The following FAM193A variants were observed in gnomAD, a reference collection of about 807,000 sequenced individuals.
The protein encoded by FAM193A is protein FAM193A.
A neutral mutation model predicts 126.5 loss-of-function variants in FAM193A; 22 were observed. That is an observed-to-expected ratio of 0.17 (90% CI 0.12 to 0.25). The LOEUF is 0.25. Among genes scored for constraint, FAM193A ranks in the 10% least tolerant of loss-of-function variants. FAM193A has a pLI of 1.00. For missense variants in FAM193A, 1,675 were observed against 1,672.8 expected, an observed-to-expected ratio of 1.00 and a Z score of -0.02; for synonymous variants, 761 against 646.8, an observed-to-expected ratio of 1.18 and a Z score of -2.68.
At chr4:2,560,836 C>G (rs1738566516) in intron 1 of FAM193A, among the ~76,000 whole-genome samples, 1 of 152,088 alleles carries the variant, frequency 6.6e-6, no homozygotes, top group Non-Finnish European at 1.5e-5. Context: ...TTTGTGGAGG[C>G]AGGAGCTCAC....
In FAM193A at chr4:2,648,347, A is replaced by G. The variant is rs1745345973; in HGVS notation, c.1311+1515A>G. 3.9e-5 allele frequency among the ~76,000 whole-genome samples: 6 copies of G among 152,202 alleles called. No homozygotes were observed. In the South Asian group the frequency reaches 1.0e-3, roughly 26 times the overall value. ...TTGGCTGCTGTACGCACAGCACGTC[A>G]GGGTGAGGAGGGGCCTCAGAGATCA... On this transcript the variant is annotated intron_variant, in intron 7 of 20. Transcript: ENST00000637812.
chr4:2,701,075 C>G (rs1308779321), intron 19 of FAM193A, among the ~76,000 whole-genome samples: 2 of 151,856 alleles, frequency 1.3e-5, no homozygotes, highest in Non-Finnish European at 2.9e-5. Flanking sequence ...CTCCCTCTCT[C>G]TCTTATTTTT....
At chr4:2,587,179 C>T (rs1031871138) in intron 1 of FAM193A, among the ~76,000 whole-genome samples, 2 of 152,082 alleles carry the variant, frequency 1.3e-5, no homozygotes, top group African/African-American at 4.8e-5. Context: ...TGGTGAGAGC[C>T]TCAGGTTTTT....
In FAM193A at chr4:2,631,164, A is replaced by C. The variant is rs1743538852; in HGVS notation, c.1033A>C (p.Thr345Pro). Residue 345 changes from threonine to proline, a missense_variant, in exon 5 of 21, where the codon ACT becomes CCT. By Grantham distance (38) the Thr-to-Pro change is conservative. Coordinates refer to ENST00000637812, the MANE Select transcript of FAM193A (RefSeq NM_001366318.2). ...AARSISTFLGTLENEHLKKFQ... is the reference protein window; with the variant it reads ...AARSISTFLGPLENEHLKKFQ... The stretch of plus-strand genomic sequence containing the variant: ...ACGCTCCATCAGCACCTTCCTTGGC[A>C]CTCTGGTAAGAGAGAAAACGTGTTT... 1 of 1,605,620 alleles carries C rather than the reference A, an allele frequency of 6.2e-7. No individual in the cohort carries two copies.
At position 2,537,170 on chromosome 4, in the gene FAM193A, G is replaced by GGTAA. The variant is rs1736929041; in HGVS notation, c.255+2_255+5dup. 1 of 194,154 alleles carries GGTAA rather than the reference G, an allele frequency of 5.2e-6. No individual in the cohort carries two copies. Among genetic ancestry groups the GGTAA allele is most frequent in the Non-Finnish European group, 1.1e-5 (1 of 94,998 alleles). 12.0% of individuals were successfully genotyped at this position (194,154 alleles called of 1,614,324 possible). A position where few individuals can be genotyped will look rare whatever the true frequency, so the allele number is the denominator to read the frequency against. ...GCGCCGCCCCCGGAGGCTACTTCGAGGTAAGCGGCGGCAGCGGGCAGGGGT... is the reference window on the plus strand; with the variant it reads ...GCGCCGCCCCCGGAGGCTACTTCGAGGTAAGTAAGCGGCGGCAGCGGGCAGGGGT... On this transcript the variant is annotated frameshift_variant and splice_region_variant. Coordinates refer to ENST00000637812, the MANE Select transcript of FAM193A (RefSeq NM_001366318.2). LOFTEE classifies it high-confidence loss of function.
At chr4:2,626,623 C>G in intron 4 of FAM193A, 46 bp downstream of exon 4, 1 of 668,386 alleles carries the variant, frequency 1.5e-6, no homozygotes, top group Non-Finnish European at 2.8e-6. Context: ...AACCCCTGCC[C>G]TCCCTGCTGC....
chr4:2,572,035 T>C (rs1739321101), intron 1 of FAM193A, among the ~76,000 whole-genome samples: 1 of 151,624 alleles, frequency 6.6e-6, no homozygotes, highest in Non-Finnish European at 1.5e-5. Flanking sequence ...CATGGTGGCA[T>C]GTGCCTGTAA....
chr4:2,727,749 T>C (rs1038062787), intron 20 of FAM193A, among the ~76,000 whole-genome samples: 3 of 152,118 alleles, frequency 2.0e-5, no homozygotes, highest in African/African-American at 7.2e-5. Context: ...AAATCCTTTT[T>C]TACTGAAGAC....
At chr4:2,553,390 T>G (rs1411241836) in intron 1 of FAM193A, among the ~76,000 whole-genome samples, 1 of 150,078 alleles carries the variant, frequency 6.7e-6, no homozygotes, top group Non-Finnish European at 1.5e-5. Flanking sequence ...TTGTTTTTTT[T>G]TTTTTTTTTG....
chr4:2,728,091 C>T (rs1176525194), intron 20 of FAM193A, among the ~76,000 whole-genome samples: 2 of 152,000 alleles, frequency 1.3e-5, no homozygotes, highest in Admixed American at 6.6e-5. Flanking sequence ...GTCACCACGC[C>T]TGGCTAATTT....
At chr4:2,681,831 G>T (rs1250832907) in intron 13 of FAM193A, among the ~76,000 whole-genome samples, 2 of 152,068 alleles carry the variant, frequency 1.3e-5, no homozygotes, top group East Asian at 3.8e-4. Context: ...TTTGCTCTTA[G>T]TGCTTGCTTT....
intron 19 of FAM193A, among the ~76,000 whole-genome samples, chr4:2,702,123 C>T (rs1169020755): frequency 6.6e-6 from 1 of 152,142 alleles, no homozygotes; most frequent in Non-Finnish European, 1.5e-5. Flanking sequence ...ACTTGCCATT[C>T]AACTGTAGGA....
At chr4:2,623,921 C>A (rs1210372712) in intron 2 of FAM193A, among the ~76,000 whole-genome samples, 2 of 152,114 alleles carry the variant, frequency 1.3e-5, no homozygotes, top group Non-Finnish European at 2.9e-5. Context: ...GAGCTGGCAG[C>A]CCCTGTCATG....
At chr4:2,596,619 T>C (rs75615579) in intron 2 of FAM193A, among the ~76,000 whole-genome samples, 2,664 of 152,348 alleles carry the variant, frequency 0.017, 60 homozygotes, top group African/African-American at 0.051. Context: ...TGGTACAGTT[T>C]CTTGAAAAGG....
intron 18 of FAM193A, among the ~76,000 whole-genome samples, chr4:2,698,579 TTAAAA>T: frequency 6.6e-6 from 1 of 152,378 alleles, no homozygotes; most frequent in East Asian, 1.9e-4. Context: ...ATTTGCCTGT[TTAAAA>T]TATTGTGAAA....
chr4:2,682,982 C>T (rs1443166555), intron 13 of FAM193A, among the ~76,000 whole-genome samples: 3 of 152,208 alleles, frequency 2.0e-5, no homozygotes, highest in Non-Finnish European at 2.9e-5. Context: ...GACCTTCTAT[C>T]TGAAGGAAAT....
intron 1 of FAM193A, among the ~76,000 whole-genome samples, chr4:2,559,736 T>C (rs1229634338): frequency 6.6e-6 from 1 of 152,154 alleles, no homozygotes; most frequent in Non-Finnish European, 1.5e-5. Context: ...CGTCTTGAGC[T>C]TTCTTTGACG....
chr4:2,676,922 CAG>C (rs1714478306), intron 13 of FAM193A, among the ~76,000 whole-genome samples: 3 of 151,708 alleles, frequency 2.0e-5, no homozygotes, highest in South Asian at 4.2e-4. Context: ...GCTTGGGCGA[CAG>C]AGCAAGATTC....
rs776408003 is a variant in FAM193A, at chr4:2,700,409, C to G, written c.4237C>G (p.Pro1413Ala). The part of the protein sequence containing the change: ...LNHIKDEKSN[P>A]TPMEPTSPGE... ...CCACATCAAGGACGAAAAGTCAAAC[C>G]CAACCCCTATGGAGCCCACCTCTCC... The change falls in exon 19 of 21, where the codon CCA (proline) becomes GCA (alanine). Residue 1413 changes from proline to alanine, a missense_variant. Around this residue, in one of 4 missense-constraint regions of FAM193A, gnomAD observed 415 missense variants for 396.7 expected, o/e 1.05. Coordinates refer to ENST00000637812, the MANE Select transcript of FAM193A (RefSeq NM_001366318.2). 6.2e-6 allele frequency: 10 copies of G among 1,614,100 alleles called. No homozygotes were observed. The highest frequency in any genetic ancestry group is 2.2e-5 in the South Asian group (2 of 91,080).
Sources: allele counts gnomAD v4.1 joint callset (sites outside exome capture counted in the v4.1 genomes callset), GRCh38; gene constraint gnomAD v4.1.1; regional missense constraint gnomAD v4.1.1; transcripts MANE v1.5; gene names NCBI Gene and HGNC (gene_info 2026-07-23, HGNC 2026-07-21).